CENPI: variants seen among roughly 807,000 people sequenced by gnomAD.
CENPI encodes the protein FSH primary response 1.
CENPI carries 4 observed loss-of-function variants against 60.4 expected under a neutral mutation model. That is an observed-to-expected ratio of 0.07 (90% CI 0.03 to 0.15). The LOEUF is 0.15. Among genes scored for constraint, CENPI ranks in the 10% least tolerant of loss-of-function variants. CENPI has a pLI of 1.00. For missense variants in CENPI, 444 were observed against 534.5 expected (o/e 0.83, Z 1.67); for synonymous variants, 157 against 189.4 (o/e 0.83, Z 1.40).
At chrX:101,143,079 A>G (rs1012191287) in intron 16 of CENPI, among the ~76,000 whole-genome samples, 2 of 108,256 alleles carry the variant, frequency 1.8e-5, no homozygotes, top group African/African-American at 6.7e-5. Context: ...CAAAAAAAAA[A>G]AAAAAAAGCA....
intron 17 of CENPI, among the ~76,000 whole-genome samples, chrX:101,145,923 A>T (rs913817641): frequency 3.6e-5 from 4 of 109,834 alleles, no homozygotes; most frequent in African/African-American, 9.9e-5. Context: ...CTTTCCCCCC[A>T]AAAAATGAAA....
intron 4 of CENPI, among the ~76,000 whole-genome samples, chrX:101,104,099 G>T (rs2089455524): frequency 9.0e-6 from 1 of 111,136 alleles, no homozygotes. Context: ...TCAGCTTTCT[G>T]AGTAGTTGGG....
At chrX:101,167,722 CA>C (rs1296214254), downstream of CENPI, among the ~76,000 whole-genome samples, 6 of 112,044 alleles carry the variant, frequency 5.4e-5, no homozygotes, top group South Asian at 1.5e-3. Flanking sequence ...AGAAGATTCA[CA>C]AAATTGAAAC....
chrX:101,180,793 G>A, the CENPI span, among the ~76,000 whole-genome samples: 4,030 of 110,956 alleles, frequency 0.036, 229 homozygotes, highest in African/African-American at 0.13. Context: ...TAGAGAGAGG[G>A]TCTTGCTCTG....
chrX:101,138,807 G>A (rs888970894), intron 15 of CENPI, among the ~76,000 whole-genome samples: 2 of 108,256 alleles, frequency 1.8e-5, no homozygotes, highest in African/African-American at 6.7e-5. Flanking sequence ...TATATTTTTA[G>A]TAGAGGCAGG....
In CENPI at chrX:101,145,755, C is replaced by G. The variant is rs1406464038; in HGVS notation, c.1702-398C>G. On this transcript the variant is annotated intron_variant, in intron 17 of 21. Transcript: ENST00000682095. ...AGTCTCACTTTTCCCAGCTTCCTCT[C>G]TTTACTAATACCTAGTTGTCTTGTG... Among the ~76,000 whole-genome samples the G allele has an allele frequency of 6.4e-5, 7 of 109,602 alleles. No individual in the cohort carries two copies. The Admixed American group carries it at 6.9e-4, about 11-fold the overall frequency.
At chrX:101,166,511 A>G (rs1165612714), downstream of CENPI, among the ~76,000 whole-genome samples, 1 of 112,853 alleles carries the variant, frequency 8.9e-6, no homozygotes, top group Non-Finnish European at 1.9e-5. Flanking sequence ...AGCCAAATGT[A>G]GTTATCTGAA....
chrX:101,102,490 TATATATACAC>T, intron 4 of CENPI, 79 bp downstream of exon 4: 1 of 296,055 alleles, frequency 3.4e-6, no homozygotes, highest in East Asian at 5.4e-5. Flanking sequence ...AAATCTTATA[TATATATACAC>T]ACACACACAC....
intron 8 of CENPI, among the ~76,000 whole-genome samples, chrX:101,121,675 A>G (rs2089680002): frequency 9.0e-6 from 1 of 110,748 alleles, no homozygotes; most frequent in African/African-American, 3.3e-5. Flanking sequence ...GAACAGCATG[A>G]GCAAAGACAT....
At chrX:101,179,834 T>C in the CENPI span, among the ~76,000 whole-genome samples, 1 of 112,537 alleles carries the variant, frequency 8.9e-6, no homozygotes, top group Non-Finnish European at 1.9e-5. Context: ...TGCCTGTTTT[T>C]CAATTCTTGT....
chrX:101,137,494 A>T (rs1443179004), intron 15 of CENPI, among the ~76,000 whole-genome samples: 1 of 111,594 alleles, frequency 9.0e-6, no homozygotes, highest in African/African-American at 3.3e-5. Context: ...AAGGGAGACT[A>T]GCTAGGAGGA....
chrX:101,167,656 T>A (rs971056130), downstream of CENPI, among the ~76,000 whole-genome samples: 1 of 111,948 alleles, frequency 8.9e-6, no homozygotes, highest in African/African-American at 3.2e-5. Flanking sequence ...GAGAAATACC[T>A]GTTTCATTGC....
intron 16 of CENPI, among the ~76,000 whole-genome samples, chrX:101,142,171 A>G (rs768099919): frequency 8.9e-6 from 1 of 111,917 alleles, no homozygotes; most frequent in South Asian, 3.7e-4. Flanking sequence ...TGCATCTATA[A>G]TATTTGGCCA....
chrX:101,103,550 G>A (rs1041777657), intron 4 of CENPI, among the ~76,000 whole-genome samples: 2 of 109,143 alleles, frequency 1.8e-5, no homozygotes, highest in Non-Finnish European at 3.8e-5. Flanking sequence ...CATGTTGGTC[G>A]GGTTGGTCTC....
chrX:101,139,080 C>T (rs970725400), intron 15 of CENPI, among the ~76,000 whole-genome samples: 5 of 96,535 alleles, frequency 5.2e-5, no homozygotes, highest in South Asian at 1.1e-3. Context: ...TGAGCCACCG[C>T]GCCCGACCTT....
chrX:101,137,754 T>A (rs988541432), intron 15 of CENPI, among the ~76,000 whole-genome samples: 1 of 106,090 alleles, frequency 9.4e-6, no homozygotes, highest in African/African-American at 3.4e-5. Context: ...GATTGTTACA[T>A]GAAAGGAGAT....
chrX:101,178,409 T>C, the CENPI span, among the ~76,000 whole-genome samples: 2 of 77,262 alleles, frequency 2.6e-5, no homozygotes, highest in African/African-American at 4.8e-5. Context: ...TTTTTTTTTT[T>C]TTTTTTTTTT....
the CENPI span, among the ~76,000 whole-genome samples, chrX:101,173,190 A>G: frequency 1.9e-5 from 2 of 104,909 alleles, no homozygotes; most frequent in East Asian, 3.0e-4. Flanking sequence ...TAATTTTTGT[A>G]TTTTTAGTAG....
the CENPI span, among the ~76,000 whole-genome samples, chrX:101,177,949 C>A: frequency 8.9e-6 from 1 of 112,155 alleles, no homozygotes; most frequent in Non-Finnish European, 1.9e-5. Flanking sequence ...CGCTGCCTTG[C>A]TGTAGCTGCT....
Sources: allele counts gnomAD v4.1 joint callset (sites outside exome capture counted in the v4.1 genomes callset), GRCh38; gene constraint gnomAD v4.1.1; transcripts MANE v1.5; gene names NCBI Gene and HGNC (gene_info 2026-07-23, HGNC 2026-07-21).